Variants in MTSS1 observed in about 807,000 individuals in gnomAD.
MTSS1 encodes MTSS I-BAR domain containing 1, also known as protein MTSS 1.
In MTSS1, 18 loss-of-function variants were observed where a neutral mutation model predicts 79.0. The observed-to-expected ratio is 0.23, with a 90% CI of 0.16 to 0.34. The LOEUF (loss-of-function observed/expected upper bound fraction) is 0.34, where lower values mean the gene tolerates loss of function less well. Ranked by LOEUF, MTSS1 falls within the 10% of genes least tolerant of loss-of-function variation. MTSS1 has a pLI of 1.00. For missense variants in MTSS1, 815 were observed against 986.2 expected (o/e 0.83, Z 2.33); for synonymous variants, 341 against 368.6 (o/e 0.93, Z 0.86).
intron 13 of MTSS1, among the ~76,000 whole-genome samples, chr8:124,555,389 G>A (rs1211877329): frequency 6.6e-6 from 1 of 152,156 alleles, no homozygotes; most frequent in African/African-American, 2.4e-5. Flanking sequence ...GGGACTACAG[G>A]CGCCTGCCAC....
At chr8:124,698,343 A>G (rs1330650480) in intron 3 of MTSS1, among the ~76,000 whole-genome samples, 2 of 152,160 alleles carry the variant, frequency 1.3e-5, no homozygotes, top group African/African-American at 4.8e-5. Context: ...CACGACAATG[A>G]AAAGAACAGG....
At chr8:124,690,470 G>A (rs1237162675) in intron 3 of MTSS1, among the ~76,000 whole-genome samples, 1 of 152,186 alleles carries the variant, frequency 6.6e-6, no homozygotes, top group Non-Finnish European at 1.5e-5. Flanking sequence ...GTAAATGTGG[G>A]ATTCCGGTGA....
chr8:124,631,196 C>A (rs1815865703), intron 3 of MTSS1, among the ~76,000 whole-genome samples: 1 of 152,300 alleles, frequency 6.6e-6, no homozygotes, highest in Middle Eastern at 3.4e-3. Flanking sequence ...GGCACGGGGA[C>A]AGGCCAGGTC....
At chr8:124,562,423 G>A (rs1825534547) in intron 10 of MTSS1, among the ~76,000 whole-genome samples, 1 of 152,214 alleles carries the variant, frequency 6.6e-6, no homozygotes, top group Admixed American at 6.5e-5. Context: ...AGATGTGGGG[G>A]AGGAGGTGTC....
intron 3 of MTSS1, among the ~76,000 whole-genome samples, chr8:124,604,403 A>G (rs1432303112): frequency 6.6e-6 from 1 of 152,132 alleles, no homozygotes. Flanking sequence ...AAGAGAAGAG[A>G]AACATTAGTC....
intron 3 of MTSS1, among the ~76,000 whole-genome samples, chr8:124,604,906 A>G (rs1302273872): frequency 6.6e-6 from 1 of 152,236 alleles, no homozygotes. Context: ...CAGACCAGCA[A>G]GCATGAGATT....
chr8:124,635,407 G>A (rs1816791402), intron 3 of MTSS1, among the ~76,000 whole-genome samples: 1 of 152,182 alleles, frequency 6.6e-6, no homozygotes, highest in African/African-American at 2.4e-5. Flanking sequence ...ACATGGATGT[G>A]GTTATCTAAT....
At chr8:124,684,510 A>G (rs1405917754) in intron 3 of MTSS1, among the ~76,000 whole-genome samples, 3 of 152,256 alleles carry the variant, frequency 2.0e-5, no homozygotes, top group African/African-American at 7.2e-5. Context: ...ATTCATTTCT[A>G]AAAGGATGGG....
chr8:124,671,742 C>T (rs1390692803), intron 3 of MTSS1, among the ~76,000 whole-genome samples: 1 of 152,200 alleles, frequency 6.6e-6, no homozygotes, highest in Non-Finnish European at 1.5e-5. Flanking sequence ...CCAGACGCCT[C>T]TTATATAAGA....
Position 124,606,623 on chromosome 8 carries a change from A to C in MTSS1, c.209-15388T>G, listed in dbSNP as rs190959552. Reference sequence around the variant, plus strand: ...ATCTCACTGTTGCCAGGACATTACCAACAGAAACATTTGGCAGATAGGGAA... The same window carrying C: ...ATCTCACTGTTGCCAGGACATTACCCACAGAAACATTTGGCAGATAGGGAA... On this transcript the variant is annotated intron_variant, in intron 3 of 13. Coordinates refer to ENST00000518547, the MANE Select transcript of MTSS1 (RefSeq NM_014751.6). Among the ~76,000 whole-genome samples the C allele has an allele frequency of 2.6e-3, 397 of 152,268 alleles. 1 individual carries two copies. Among genetic ancestry groups the C allele is most frequent in the African/African-American group, 9.0e-3 (376 of 41,552 alleles).
At chr8:124,640,730 G>C (rs1482779603) in intron 3 of MTSS1, among the ~76,000 whole-genome samples, 1 of 152,034 alleles carries the variant, frequency 6.6e-6, no homozygotes, top group East Asian at 1.9e-4. Flanking sequence ...TTTTAGTAGA[G>C]ATGGGGTTTC....
At chr8:124,649,691 T>C (rs1176629352) in intron 3 of MTSS1, among the ~76,000 whole-genome samples, 1 of 152,140 alleles carries the variant, frequency 6.6e-6, no homozygotes, top group East Asian at 1.9e-4. Context: ...TCTTCAGTCA[T>C]TAAGGTTCCT....
At chr8:124,616,349 T>A (rs1836848680) in intron 3 of MTSS1, among the ~76,000 whole-genome samples, 1 of 147,638 alleles carries the variant, frequency 6.8e-6, no homozygotes, top group African/African-American at 2.5e-5. Context: ...CGGCTGTTGT[T>A]AAGTGTGCCT....
chr8:124,555,528 G>A (rs1823465718), intron 13 of MTSS1, among the ~76,000 whole-genome samples: 1 of 152,206 alleles, frequency 6.6e-6, no homozygotes, highest in Non-Finnish European at 1.5e-5. Flanking sequence ...TTACAGGCGT[G>A]AGCCACTGCG....
chr8:124,553,128 T>G lies in MTSS1; in HGVS notation c.2132A>C (p.Gln711Pro). 6.2e-7 allele frequency: 1 copy of G among 1,614,158 alleles called. No individual in the cohort carries two copies. Among genetic ancestry groups the G allele is most frequent in the South Asian group, 1.1e-5 (1 of 91,088 alleles). ...EPPSATVSPG[Q>P]IPESDPADLS... ...GTCTGCAGGGTCACTCTCTGGAATC[T>G]GGCCTGGGGAGACAGTGGCACTTGG... Residue 711 changes from glutamine to proline, a missense_variant, in exon 14 of 14, where the codon CAG (glutamine) becomes CCG (proline). This residue lies in a region of MTSS1 where 590 missense variants were observed against 620.8 expected (regional missense o/e 0.95). Transcript: ENST00000518547. This position sits in a 1 kb window ranked among gnomAD's most constrained non-coding sequence, Gnocchi z 6.0.
chr8:124,596,103 A>C (rs1414863272), intron 3 of MTSS1, among the ~76,000 whole-genome samples: 1 of 152,210 alleles, frequency 6.6e-6, no homozygotes, highest in African/African-American at 2.4e-5. Flanking sequence ...AAAGGGCCTG[A>C]GTCTCCAGTG....
intron 3 of MTSS1, among the ~76,000 whole-genome samples, chr8:124,599,281 T>G (rs1833325909): frequency 2.0e-5 from 3 of 152,176 alleles, no homozygotes; most frequent in Non-Finnish European, 4.4e-5. Context: ...GTCAGGAGTT[T>G]GAGACCAGCC....
At chr8:124,612,251 G>C (rs934635670) in intron 3 of MTSS1, among the ~76,000 whole-genome samples, 1 of 152,192 alleles carries the variant, frequency 6.6e-6, no homozygotes, top group Admixed American at 6.5e-5. Flanking sequence ...GACAAAGAGT[G>C]GGGCAATGGC....
At chr8:124,635,708 G>A (rs148399626) in intron 3 of MTSS1, among the ~76,000 whole-genome samples, 12 of 152,224 alleles carry the variant, frequency 7.9e-5, no homozygotes, top group African/African-American at 2.4e-4. Flanking sequence ...AGTAGACAAC[G>A]GGAGCTCAAT....
Sources: gnomAD v4.1 joint callset for allele counts (sites outside exome capture counted in the v4.1 genomes callset) on GRCh38, gnomAD v4.1.1 for gene constraint, gnomAD v4.1.1 regional missense constraint, Gnocchi (gnomAD v3.1) non-coding constraint, MANE v1.5 for transcripts, NCBI Gene and HGNC (gene_info 2026-07-23, HGNC 2026-07-21) for gene names.